Variants in WDFY2 observed in about 807,000 individuals in gnomAD.
WDFY2 encodes the protein WD repeat and FYVE domain containing 2.
WDFY2 carries 36 observed loss-of-function variants against 56.4 expected under a neutral mutation model. That is an observed-to-expected ratio of 0.64 (90% CI 0.49 to 0.84). WDFY2 has a LOEUF of 0.84. Ranked by LOEUF, WDFY2 falls within the 40% of genes least tolerant of loss-of-function variation. The pLI, the probability that WDFY2 is intolerant of heterozygous loss-of-function variation, is 0.00. For synonymous variants in WDFY2, 176 were observed against 183.7 expected (o/e 0.96, Z 0.34); for missense variants, 444 against 512.2 (o/e 0.87, Z 1.29).
intron 1 of WDFY2, among the ~76,000 whole-genome samples, chr13:51,621,153 G>A (rs1033877672): frequency 2.6e-5 from 4 of 152,022 alleles, no homozygotes; most frequent in African/African-American, 4.8e-5. Context: ...CTACACAAAC[G>A]CATACTTTTA....
chr13:51,702,609 C>A (rs1052354293), intron 3 of WDFY2, among the ~76,000 whole-genome samples: 2 of 152,134 alleles, frequency 1.3e-5, no homozygotes, highest in African/African-American at 2.4e-5. Flanking sequence ...AATAATATTT[C>A]CTTCTAAAAA....
At chr13:51,637,513 G>A (rs1955075700) in intron 1 of WDFY2, among the ~76,000 whole-genome samples, 1 of 151,862 alleles carries the variant, frequency 6.6e-6, no homozygotes, top group African/African-American at 2.4e-5. Flanking sequence ...ATGTTTGTCA[G>A]CTACCATGTT....
At chr13:51,639,242 A>G (rs1955111047) in intron 1 of WDFY2, among the ~76,000 whole-genome samples, 1 of 152,222 alleles carries the variant, frequency 6.6e-6, no homozygotes, top group Admixed American at 6.5e-5. Context: ...GCTTATGGGA[A>G]AGGCTCAATG....
rs774012398 is a variant in WDFY2, at chr13:51,742,499, G to C, written c.725+3324G>C. ...TATTTGCAAGCATCAGTTACTAGTT[G>C]GATGGTTATTACCGAAACATAAACC... On this transcript the variant is annotated intron_variant, in intron 7 of 11. Transcript: ENST00000298125. Among the ~76,000 whole-genome samples, 80 of 151,736 alleles carry C rather than the reference G, an allele frequency of 5.3e-4. 1 individual carries two copies. Among genetic ancestry groups the C allele is most frequent in the Non-Finnish European group, 1.0e-3 (68 of 67,960 alleles).
chr13:51,701,027 T>G (rs1951973790), intron 3 of WDFY2, among the ~76,000 whole-genome samples: 1 of 152,162 alleles, frequency 6.6e-6, no homozygotes, highest in Admixed American at 6.5e-5. Flanking sequence ...AGTTGATGAG[T>G]ATGTACTCAT....
rs546313092 is a variant in WDFY2, at chr13:51,766,803, A to G, written c.*7034A>G. On this transcript the variant is annotated 3_prime_UTR_variant, in exon 12 of 12. Coordinates refer to ENST00000298125, the MANE Select transcript of WDFY2 (RefSeq NM_052950.4). ...TCTCTGTGAAAACCTTTCTGCAGCT[A>G]TGGTCCCATCACGGTTACATGTGGC... 1 of 152,368 alleles carries G rather than the reference A, an allele frequency of 6.6e-6. No individual in the cohort carries two copies. Among genetic ancestry groups the G allele is most frequent in the South Asian group, 2.1e-4 (1 of 4,832 alleles). The allele number at this position is 152,368 out of a possible 1,614,324, so 9.4% of individuals were successfully genotyped here.
intron 1 of WDFY2, among the ~76,000 whole-genome samples, chr13:51,625,532 C>T (rs1954822764): frequency 6.6e-6 from 1 of 152,156 alleles, no homozygotes; most frequent in Non-Finnish European, 1.5e-5. Context: ...TGATATTTTG[C>T]TTTGTTTCCT....
chr13:51,609,786 ATGCATCTATTATATGG>A (rs1056288016), intron 1 of WDFY2, among the ~76,000 whole-genome samples: 1 of 152,120 alleles, frequency 6.6e-6, no homozygotes, highest in African/African-American at 2.4e-5. Context: ...TGTCAAATAT[ATGCATCTATTATATGG>A]TGCATTAAGC....
At chr13:51,755,605 A>C (rs1218659500) in intron 9 of WDFY2, 146 bp downstream of exon 9, 1 of 757,370 alleles carries the variant, frequency 1.3e-6, no homozygotes, top group African/African-American at 1.7e-5. Context: ...ACAGTAATTT[A>C]CTCTGTCTAC....
At position 51,764,019 on chromosome 13, in the gene WDFY2, C is replaced by T. The variant is rs1267114265; in HGVS notation, c.*4250C>T. 1.3e-5 allele frequency: 2 copies of T among 152,144 alleles called. No individual in the cohort carries two copies. Among genetic ancestry groups the T allele is most frequent in the Non-Finnish European group, 2.9e-5 (2 of 68,032 alleles). 9.4% of individuals were successfully genotyped at this position (152,144 alleles called of 1,614,324 possible). ...TTCGAAGTGAGAGAAAGCATTTTAC[C>T]AATACATTCTTATTTTTTCTCCTTT... is the stretch of plus-strand genomic sequence containing the variant. On this transcript the variant is annotated 3_prime_UTR_variant, in exon 12 of 12. Transcript: ENST00000298125.
In WDFY2 at chr13:51,760,562, T is replaced by A. The variant is rs1360421412; in HGVS notation, c.*793T>A. ...AGTGCCTGGATCATTTAGAATTCAG[T>A]TGGAGCCTCCTGAGCCTCTTGTTTT... On this transcript the variant is annotated 3_prime_UTR_variant, in exon 12 of 12. Transcript: ENST00000298125. 6.6e-6 allele frequency: 1 copy of A among 152,222 alleles called. No individual in the cohort carries two copies. Among genetic ancestry groups the A allele is most frequent in the African/African-American group, 2.4e-5 (1 of 41,446 alleles). 9.4% of individuals were successfully genotyped at this position (152,222 alleles called of 1,614,324 possible).
intron 1 of WDFY2, among the ~76,000 whole-genome samples, chr13:51,620,859 C>T (rs781193446): frequency 1.1e-4 from 17 of 152,116 alleles, no homozygotes; most frequent in Non-Finnish European, 1.5e-4. Context: ...AGAGGGAAGT[C>T]GGACGCACTC....
intron 4 of WDFY2, among the ~76,000 whole-genome samples, chr13:51,706,539 G>A (rs1387390414): frequency 1.3e-5 from 2 of 152,136 alleles, no homozygotes; most frequent in African/African-American, 4.8e-5. Flanking sequence ...AAGACTACAA[G>A]GAAATTTATT....
At chr13:51,612,595 G>C (rs144701119) in intron 1 of WDFY2, among the ~76,000 whole-genome samples, 2 of 152,202 alleles carry the variant, frequency 1.3e-5, no homozygotes, top group African/African-American at 2.4e-5. Flanking sequence ...TCTGAGAAGT[G>C]ATATAGTCCA....
intron 6 of WDFY2, among the ~76,000 whole-genome samples, chr13:51,732,932 C>T (rs1260110561): frequency 2.0e-5 from 3 of 152,194 alleles, no homozygotes; most frequent in East Asian, 3.9e-4. Context: ...TTATGAGTAG[C>T]AGGTGCCGTG....
At chr13:51,751,473 G>A in intron 8 of WDFY2, 58 bp downstream of exon 8, 1 of 1,442,302 alleles carries the variant, frequency 6.9e-7, no homozygotes, top group Non-Finnish European at 9.8e-7. Context: ...CTCCCTTCCT[G>A]CTTATTTCTT....
At chr13:51,745,037 G>A (rs1953062481) in intron 7 of WDFY2, among the ~76,000 whole-genome samples, 1 of 152,168 alleles carries the variant, frequency 6.6e-6, no homozygotes, top group Non-Finnish European at 1.5e-5. Context: ...ATTTGTTGCT[G>A]AATGTTGCTG....
At position 51,725,312 on chromosome 13, in the gene WDFY2, T is replaced by C. The variant is rs191126183; in HGVS notation, c.486-2366T>C. Among the ~76,000 whole-genome samples the C allele has an allele frequency of 7.2e-4, 110 of 152,318 alleles. 1 individual carries two copies. Among genetic ancestry groups the C allele is most frequent in the Non-Finnish European group, 1.4e-3 (97 of 68,024 alleles). ...CAACTCTCTTTGTCCTTAGAATATA[T>C]TCTACCAGTGATGGGGGCGAGACTT... On this transcript the variant is annotated intron_variant, in intron 5 of 11. Transcript: ENST00000298125.
chr13:51,721,008 A>G (rs975782009), intron 5 of WDFY2, among the ~76,000 whole-genome samples: 1 of 151,610 alleles, frequency 6.6e-6, no homozygotes, highest in Non-Finnish European at 1.5e-5. Flanking sequence ...CACTGTCACT[A>G]TGCGTGGTGA....
Sources: allele counts gnomAD v4.1 joint callset (sites outside exome capture counted in the v4.1 genomes callset), GRCh38; gene constraint gnomAD v4.1.1; transcripts MANE v1.5; gene names NCBI Gene and HGNC (gene_info 2026-07-23, HGNC 2026-07-21).